MAPK8IP3: variants seen among roughly 807,000 people sequenced by gnomAD.
MAPK8IP3 encodes the protein mitogen-activated protein kinase 8 interacting protein 3.
MAPK8IP3 carries 49 observed loss-of-function variants against 157.8 expected under a neutral mutation model. That is an observed-to-expected ratio of 0.31 (90% confidence interval 0.25 to 0.39). The LOEUF (loss-of-function observed/expected upper bound fraction) is 0.39. Ranked by LOEUF, MAPK8IP3 falls within the 10% of genes least tolerant of loss-of-function variation. The probability of loss-of-function intolerance (pLI) is 1.00; values close to 1 mark genes in which losing one functional copy is unlikely to be tolerated. For synonymous variants in MAPK8IP3, 897 were observed against 777.7 expected (o/e 1.15, Z -2.55); for missense variants, 1,478 against 1,889.4 (o/e 0.78, Z 4.04).
At chr16:1,753,432 T>C (rs1271803546) in intron 8 of MAPK8IP3, among the ~76,000 whole-genome samples, 2 of 141,544 alleles carry the variant, frequency 1.4e-5, no homozygotes, top group African/African-American at 5.2e-5. Context: ...CACATACCAT[T>C]ATTTATTTAT....
chr16:1,708,824 C>T (rs1036256355), intron 1 of MAPK8IP3, among the ~76,000 whole-genome samples: 2 of 152,158 alleles, frequency 1.3e-5, no homozygotes. Flanking sequence ...CAGGGCTTTA[C>T]AACTAAGGAA....
Position 1,764,345 on chromosome 16 carries a change from T to G in MAPK8IP3, c.2166T>G (p.Asn722Lys). 6.3e-7 allele frequency: 1 copy of G among 1,579,084 alleles called. No homozygotes were observed. The highest frequency in any genetic ancestry group is 8.6e-7 in the Non-Finnish European group (1 of 1,163,714). Residue 722 changes from asparagine (N) to lysine (K), a missense_variant, in exon 19 of 32, where the codon AAT becomes AAG. Coordinates refer to ENST00000610761, the MANE Select transcript of MAPK8IP3 (RefSeq NM_001318852.2). Reference protein sequence around the residue: ...AGVNLSGWRPNEDDAGNGVKP... With the variant: ...AGVNLSGWRPKEDDAGNGVKP... ...TCAACCTGAGCGGGTGGAGGCCCAA[T>G]GAGGACGACGCTGGGAATGGAGTCA...
At chr16:1,759,260 G>A (rs761470608) in intron 10 of MAPK8IP3, among the ~76,000 whole-genome samples, 19 of 119,440 alleles carry the variant, frequency 1.6e-4, no homozygotes, top group Non-Finnish European at 2.6e-4. Flanking sequence ...GACCCTGCCT[G>A]TGGGGAGGAA....
chr16:1,764,603 A>C, intron 19 of MAPK8IP3, 144 bp downstream of exon 19: 1 of 1,183,646 alleles, frequency 8.4e-7, no homozygotes, highest in Admixed American at 2.7e-5. Flanking sequence ...GACTGCGGGA[A>C]GCAGTGTCTT....
At chr16:1,730,465 C>T (rs2039231104) in intron 4 of MAPK8IP3, among the ~76,000 whole-genome samples, 1 of 150,828 alleles carries the variant, frequency 6.6e-6, no homozygotes, top group African/African-American at 2.4e-5. Flanking sequence ...TTAAGCCGGG[C>T]TCAGTGGCTC....
intron 8 of MAPK8IP3, 148 bp from the exon 9 acceptor site, chr16:1,758,000 C>G: frequency 1.3e-6 from 1 of 785,162 alleles, no homozygotes; most frequent in South Asian, 1.6e-5. Flanking sequence ...CTGCTGGAGG[C>G]TGCTCCCTCT....
intron 9 of MAPK8IP3, 129 bp downstream of exon 9, chr16:1,758,288 C>A: frequency 9.5e-7 from 1 of 1,050,574 alleles, no homozygotes; most frequent in Non-Finnish European, 1.4e-6. Flanking sequence ...AGCGCCTCTG[C>A]TTCTGCTCGC....
At chr16:1,715,933 G>A (rs912399400) in intron 1 of MAPK8IP3, among the ~76,000 whole-genome samples, 3 of 152,040 alleles carry the variant, frequency 2.0e-5, no homozygotes, top group African/African-American at 2.4e-5. Flanking sequence ...CACCATGTTC[G>A]CTAGGCTGGT....
chr16:1,768,105 G>A lies in MAPK8IP3; in HGVS notation c.3560G>A (p.Arg1187Gln), dbSNP rs2042382718. ...VLHRGQLLGLRANKTSPTSGE... is the reference protein window; with the variant it reads ...VLHRGQLLGLQANKTSPTSGE... The stretch of plus-strand genomic sequence containing the variant: ...CACCGAGGCCAGCTCCTGGGGCTCC[G>A]AGGTAAGCCCAGCCACCTCGTGTCC... The change falls in exon 29 of 32, where the codon CGA becomes CAA. Residue 1187 changes from arginine (R) to glutamine (Q), a missense_variant and splice_region_variant. Arg to Gln is a conservative substitution (Grantham distance 43). Coordinates refer to ENST00000610761, the MANE Select transcript of MAPK8IP3 (RefSeq NM_001318852.2). 6 of 1,612,122 alleles carry A rather than the reference G, an allele frequency of 3.7e-6. No individual in the cohort carries two copies. The highest frequency in any genetic ancestry group is 2.7e-5 in the African/African-American group (2 of 75,026).
chr16:1,759,241 C>T (rs1034256504), intron 10 of MAPK8IP3, among the ~76,000 whole-genome samples: 12 of 148,492 alleles, frequency 8.1e-5, no homozygotes, highest in African/African-American at 2.1e-4. Context: ...ACCCCACAAG[C>T]GCCGGGCAGA....
chr16:1,733,787 C>T (rs1287863857), intron 4 of MAPK8IP3, among the ~76,000 whole-genome samples: 1 of 152,230 alleles, frequency 6.6e-6, no homozygotes, highest in Non-Finnish European at 1.5e-5. Flanking sequence ...CTCAGGGAAC[C>T]AGACGGTGCC....
chr16:1,712,658 C>T (rs969922818), intron 1 of MAPK8IP3, among the ~76,000 whole-genome samples: 3 of 152,134 alleles, frequency 2.0e-5, no homozygotes, highest in South Asian at 2.1e-4. Context: ...CCCCAGGTGG[C>T]CCCCCACTGG....
chr16:1,707,970 A>G (rs1461331050), intron 1 of MAPK8IP3: 2 of 152,226 alleles, frequency 1.3e-5, no homozygotes, highest in African/African-American at 4.8e-5. Flanking sequence ...AAATCATAAC[A>G]GTATGTTGTA....
Position 1,763,708 on chromosome 16 carries a change from G to T in MAPK8IP3, c.1950G>T (p.Gln650His). The change falls in exon 17 of 32, where the codon CAG (glutamine) becomes CAT (histidine). Residue 650 changes from glutamine (Q) to histidine (H), a missense_variant. This residue lies in a region of MAPK8IP3 where 669 missense variants were observed against 759.8 expected (regional missense o/e 0.88). Transcript: ENST00000610761. ...AGCAGAAGCGCGAGCAGTACCGCCA[G>T]GTGCGTGAGCACGTGCGTAACGACG... ...RREQKREQYR[Q>H]VREHVRNDDG... The T allele has an allele frequency of 6.3e-7, 1 of 1,597,218 alleles. No individual in the cohort carries two copies. The highest frequency in any genetic ancestry group is 8.5e-7 in the Non-Finnish European group (1 of 1,171,042).
At chr16:1,744,777 G>A (rs2040868114) in intron 5 of MAPK8IP3, 1 of 985,386 alleles carries the variant, frequency 1.0e-6, no homozygotes. Context: ...TGCGTTGTCT[G>A]ACATCGTCGC....
chr16:1,756,543 G>A (rs1314953443), intron 8 of MAPK8IP3, among the ~76,000 whole-genome samples: 9 of 151,476 alleles, frequency 5.9e-5, no homozygotes, highest in Admixed American at 5.3e-4. Flanking sequence ...AGCACTTTGG[G>A]AGGCCAAGGT....
intron 1 of MAPK8IP3, among the ~76,000 whole-genome samples, chr16:1,718,228 G>A (rs1437212446): frequency 6.9e-6 from 1 of 144,022 alleles, no homozygotes; most frequent in African/African-American, 2.6e-5. Flanking sequence ...CTTGTCACTC[G>A]GGCTGGAGTG....
intron 11 of MAPK8IP3, 34 bp downstream of exon 11, chr16:1,760,049 A>T: frequency 1.2e-6 from 2 of 1,610,494 alleles, no homozygotes; most frequent in South Asian, 1.1e-5. Flanking sequence ...GGTGGGGCTG[A>T]GGCAGCCCTC....
intron 3 of MAPK8IP3, 50 bp downstream of exon 3, chr16:1,729,258 G>T: frequency 1.3e-6 from 2 of 1,588,248 alleles, no homozygotes; most frequent in South Asian, 1.1e-5. Flanking sequence ...ACAGGGCCGC[G>T]GCCTGACGCC....
Sources: gnomAD v4.1 joint callset for allele counts (sites outside exome capture counted in the v4.1 genomes callset) on GRCh38, gnomAD v4.1.1 for gene constraint, gnomAD v4.1.1 regional missense constraint, MANE v1.5 for transcripts, NCBI Gene and HGNC (gene_info 2026-07-23, HGNC 2026-07-21) for gene names.